Variants in F13A1 observed in about 807,000 individuals in gnomAD.
The protein encoded by F13A1 is FSF, A subunit.
Under a neutral mutation model 80.1 loss-of-function variants are expected in F13A1, and 47 were observed. The ratio of observed to expected loss-of-function variants is 0.59; its 90% CI spans 0.46 to 0.75. The LOEUF (loss-of-function observed/expected upper bound fraction) is 0.75. F13A1 is among the 30% of genes least tolerant of loss of function. The pLI is 0.00. For synonymous variants in F13A1, 349 were observed against 344.9 expected, an observed-to-expected ratio of 1.01 and a Z score of -0.13; for missense variants, 817 against 930.4, an observed-to-expected ratio of 0.88 and a Z score of 1.59.
At chr6:6,206,423 G>T in intron 8 of F13A1, 1 of 467,180 alleles carries the variant, frequency 2.1e-6, no homozygotes, top group Non-Finnish European at 4.4e-6. Flanking sequence ...TTTTCTATGT[G>T]GTTTATTAAA....
intron 6 of F13A1, among the ~76,000 whole-genome samples, chr6:6,246,797 G>T (rs79711629): frequency 0.032 from 4,868 of 152,300 alleles, 228 homozygotes; most frequent in African/African-American, 0.1. Context: ...TACACACAGT[G>T]TGTGAGTAAG....
At chr6:6,183,353 G>A (rs1048869210) in intron 10 of F13A1, among the ~76,000 whole-genome samples, 5 of 152,150 alleles carry the variant, frequency 3.3e-5, no homozygotes, top group Admixed American at 3.3e-4. Context: ...CTCAGTAAAT[G>A]TTATTGATAA....
chr6:6,249,649 CT>C (rs1175683942), intron 5 of F13A1, among the ~76,000 whole-genome samples: 1 of 152,160 alleles, frequency 6.6e-6, no homozygotes, highest in Non-Finnish European at 1.5e-5. Context: ...GACTTTTCCC[CT>C]TGTTAGCTAT....
intron 13 of F13A1, among the ~76,000 whole-genome samples, chr6:6,166,984 C>A (rs147088542): frequency 6.6e-6 from 1 of 152,214 alleles, no homozygotes; most frequent in Non-Finnish European, 1.5e-5. Context: ...CACGCACATA[C>A]AAAATCATCA....
At position 6,299,850 on chromosome 6, in the gene F13A1, C is replaced by G. The variant is rs569721523; in HGVS notation, c.319+5501G>C. On this transcript the variant is annotated intron_variant, in intron 3 of 14. Coordinates refer to ENST00000264870, the MANE Select transcript of F13A1 (RefSeq NM_000129.4). ...CTGCTTTTTAGAGTTTCCAGTTTTT[C>G]TGTTCTGTTTTTTCCCCATCTTTGT... 1.2e-4 allele frequency among the ~76,000 whole-genome samples: 18 copies of G among 148,192 alleles called. No homozygotes were observed. The South Asian group carries it at 3.5e-3, about 29-fold the overall frequency.
intron 8 of F13A1, among the ~76,000 whole-genome samples, 180 bp downstream of exon 8, chr6:6,221,853 T>C (rs1470359131): frequency 6.6e-6 from 1 of 152,232 alleles, no homozygotes; most frequent in East Asian, 1.9e-4. Context: ...ACCCAAACTG[T>C]CTCTTCAGTA....
At chr6:6,148,121 T>G (rs1482495398) in intron 14 of F13A1, among the ~76,000 whole-genome samples, 1 of 152,218 alleles carries the variant, frequency 6.6e-6, no homozygotes, top group Non-Finnish European at 1.5e-5. Context: ...TGAAATAACA[T>G]ATTGAACTGG....
intron 6 of F13A1, among the ~76,000 whole-genome samples, chr6:6,240,093 T>G (rs943580839): frequency 9.2e-5 from 14 of 152,088 alleles, no homozygotes; most frequent in Non-Finnish European, 1.9e-4. Context: ...GCTTCAGAAA[T>G]AGCCTGTGTG....
chr6:6,183,201 T>A (rs1293898858), intron 10 of F13A1, among the ~76,000 whole-genome samples: 1 of 152,190 alleles, frequency 6.6e-6, no homozygotes, highest in Non-Finnish European at 1.5e-5. Flanking sequence ...TTACTAAATG[T>A]TTCCCAAGCT....
At chr6:6,251,604 A>AG (rs1425116377) in intron 4 of F13A1, among the ~76,000 whole-genome samples, 1 of 152,186 alleles carries the variant, frequency 6.6e-6, no homozygotes, top group Non-Finnish European at 1.5e-5. Context: ...GCCTGGTGGG[A>AG]GAGCAGCAAA....
At position 6,316,111 on chromosome 6, in the gene F13A1, A is replaced by G. The variant is rs1385245261; in HGVS notation, c.130+2424T>C. Among the ~76,000 whole-genome samples the G allele has an allele frequency of 5.1e-4, 27 of 52,900 alleles. 4 individuals are homozygous for G. The highest frequency in any genetic ancestry group is 1.2e-3 in the South Asian group (2 of 1,684). The allele number at this position is 52,900 out of a possible 152,430, so 34.7% of individuals were successfully genotyped here. A position where few individuals can be genotyped will look rare whatever the true frequency, so the allele number is the denominator to read the frequency against. On this transcript the variant is annotated intron_variant, in intron 2 of 14. Transcript: ENST00000264870. ...TATATATATATATATATATATATAT[A>G]TATATATATATATATATATATATAT... is the stretch of plus-strand genomic sequence containing the variant.
chr6:6,274,918 G>T (rs17141994), intron 3 of F13A1, among the ~76,000 whole-genome samples: 1 of 152,184 alleles, frequency 6.6e-6, no homozygotes, highest in African/African-American at 2.4e-5. Flanking sequence ...GGAAACTCAG[G>T]ATACCTGTGG....
At chr6:6,256,580 A>G (rs1038012219) in intron 4 of F13A1, among the ~76,000 whole-genome samples, 4 of 152,106 alleles carry the variant, frequency 2.6e-5, no homozygotes, top group Non-Finnish European at 5.9e-5. Flanking sequence ...CATTTATTTT[A>G]CTGTTCCTCT....
intron 11 of F13A1, among the ~76,000 whole-genome samples, chr6:6,181,200 G>A (rs1043706658): frequency 1.3e-5 from 2 of 152,110 alleles, no homozygotes; most frequent in Admixed American, 6.5e-5. Flanking sequence ...CGAGGTCCAC[G>A]ACTTCTCTTC....
intron 8 of F13A1, among the ~76,000 whole-genome samples, chr6:6,218,664 C>T (rs1184676546): frequency 2.0e-5 from 3 of 152,258 alleles, no homozygotes; most frequent in South Asian, 2.1e-4. Flanking sequence ...ACAGTGGGGC[C>T]GCTCTGTGCA....
At chr6:6,193,335 C>A (rs1761234695) in intron 10 of F13A1, among the ~76,000 whole-genome samples, 1 of 152,112 alleles carries the variant, frequency 6.6e-6, no homozygotes, top group African/African-American at 2.4e-5. Flanking sequence ...TAAGGAATGA[C>A]CAAGAAAGTC....
intron 13 of F13A1, among the ~76,000 whole-genome samples, chr6:6,160,012 C>T (rs576164415): frequency 2.0e-5 from 3 of 151,934 alleles, no homozygotes; most frequent in East Asian, 3.9e-4. Flanking sequence ...CGCAGTGGCT[C>T]ACGCCTGTAA....
chr6:6,161,420 A>G lies in F13A1; in HGVS notation c.1908+6038T>C, dbSNP rs374657619. 4.6e-5 allele frequency among the ~76,000 whole-genome samples: 7 copies of G among 152,208 alleles called. No homozygotes were observed. In the East Asian group the frequency reaches 5.8e-4, roughly 13 times the overall value. ...CTCACAAACATTGCTACAGATGTCA[A>G]TCCCCCCAGTGCAGTGTTTTATATG... On this transcript the variant is annotated intron_variant, in intron 13 of 14. Coordinates refer to ENST00000264870, the MANE Select transcript of F13A1 (RefSeq NM_000129.4).
At chr6:6,267,481 G>A (rs559401151) in intron 3 of F13A1, among the ~76,000 whole-genome samples, 6 of 152,128 alleles carry the variant, frequency 3.9e-5, no homozygotes, top group Middle Eastern at 3.4e-3. Flanking sequence ...CTCCCTCTTC[G>A]TGCATACTCA....
Sources: gnomAD v4.1 joint callset for allele counts (sites outside exome capture counted in the v4.1 genomes callset) on GRCh38, gnomAD v4.1.1 for gene constraint, MANE v1.5 for transcripts, NCBI Gene and HGNC (gene_info 2026-07-23, HGNC 2026-07-21) for gene names.